Variants in XXYLT1 observed in about 807,000 individuals in gnomAD.
XXYLT1 encodes the protein xyloside xylosyltransferase 1.
Under a neutral mutation model 28.9 loss-of-function variants are expected in XXYLT1, and 20 were observed. The ratio of observed to expected loss-of-function variants is 0.69; its 90% CI spans 0.49 to 1.00. The LOEUF (loss-of-function observed/expected upper bound fraction) is 1.00. Ranked by LOEUF, XXYLT1 falls within the 50% of genes least tolerant of loss-of-function variation. XXYLT1 has a pLI of 0.00. For synonymous variants in XXYLT1, 257 were observed against 253.8 expected (o/e 1.01, Z -0.12); for missense variants, 542 against 560.1 (o/e 0.97, Z 0.33).
At chr3:195,196,870 TAA>T (rs56806324) in intron 2 of XXYLT1, among the ~76,000 whole-genome samples, 7,763 of 146,350 alleles carry the variant, frequency 0.053, 605 homozygotes, top group African/African-American at 0.18. Flanking sequence ...TCACTTCCTT[TAA>T]AAAAAAAAAA....
At chr3:195,224,297 G>A (rs1041582521) in intron 2 of XXYLT1, among the ~76,000 whole-genome samples, 1 of 152,174 alleles carries the variant, frequency 6.6e-6, no homozygotes, top group Non-Finnish European at 1.5e-5. Flanking sequence ...CAGAGGGTGG[G>A]GCCCACACCT....
intron 1 of XXYLT1, among the ~76,000 whole-genome samples, chr3:195,248,876 C>T (rs752922082): frequency 9.2e-5 from 14 of 152,234 alleles, no homozygotes; most frequent in African/African-American, 1.9e-4. Flanking sequence ...GCCAAGATTG[C>T]GCCACTGTAC....
At chr3:195,260,353 C>G (rs547831783) in intron 1 of XXYLT1, among the ~76,000 whole-genome samples, 1 of 152,236 alleles carries the variant, frequency 6.6e-6, no homozygotes, top group South Asian at 2.1e-4. Context: ...CCCGTGCTGA[C>G]CGCAGCCGCG....
intron 3 of XXYLT1, among the ~76,000 whole-genome samples, chr3:195,127,751 TG>T (rs1156631255): frequency 1.1e-4 from 16 of 146,750 alleles, no homozygotes; most frequent in Non-Finnish European, 1.9e-4. Flanking sequence ...CTCTCCACCT[TG>T]GGTGACAGAG....
intron 1 of XXYLT1, among the ~76,000 whole-genome samples, chr3:195,228,193 C>T (rs571452250): frequency 5.1e-4 from 78 of 152,298 alleles, no homozygotes; most frequent in African/African-American, 1.8e-3. Flanking sequence ...TCATCAACTC[C>T]GAAGAGCCCA....
At chr3:195,239,942 T>C (rs1398904965) in intron 1 of XXYLT1, among the ~76,000 whole-genome samples, 5 of 152,194 alleles carry the variant, frequency 3.3e-5, no homozygotes, top group African/African-American at 4.8e-5. Flanking sequence ...CACCGGCCTA[T>C]AATCATATAT....
intron 3 of XXYLT1, among the ~76,000 whole-genome samples, chr3:195,108,258 T>C (rs1056282966): frequency 3.3e-5 from 5 of 152,234 alleles, no homozygotes; most frequent in Admixed American, 2.0e-4. Context: ...GGCATAAACA[T>C]TAATTAGAAA....
intron 2 of XXYLT1, among the ~76,000 whole-genome samples, chr3:195,179,202 T>C (rs149630689): frequency 0.018 from 2,739 of 152,094 alleles, 36 homozygotes; most frequent in Non-Finnish European, 0.027. Context: ...TAGCTGGGCA[T>C]GGTGGCACGT....
At chr3:195,172,359 G>C (rs1346196304) in intron 2 of XXYLT1, among the ~76,000 whole-genome samples, 2 of 152,138 alleles carry the variant, frequency 1.3e-5, no homozygotes, top group African/African-American at 4.8e-5. Flanking sequence ...TTACCAGCTG[G>C]GCACTGCTGA....
At chr3:195,241,335 T>C (rs540207647) in intron 1 of XXYLT1, among the ~76,000 whole-genome samples, 1 of 152,334 alleles carries the variant, frequency 6.6e-6, no homozygotes, top group Admixed American at 6.5e-5. Flanking sequence ...ACAGCTATTC[T>C]GTGTCCTGAT....
chr3:195,176,095 C>T lies in XXYLT1; in HGVS notation c.653-19514G>A, dbSNP rs1027138720. Among the ~76,000 whole-genome samples, 14 of 151,984 alleles carry T rather than the reference C, an allele frequency of 9.2e-5. No individual in the cohort carries two copies. Among genetic ancestry groups the T allele is most frequent in the South Asian group, 4.1e-4 (2 of 4,826 alleles). ...TTTTTGAGACAGGGTCTCACTCTAT[C>T]GCCCAAGCTGGAGTGCAATGGCATG... is the stretch of plus-strand genomic sequence containing the variant. On this transcript the variant is annotated intron_variant, in intron 2 of 3. Coordinates refer to ENST00000310380, the MANE Select transcript of XXYLT1 (RefSeq NM_152531.5). This position sits in a 1 kb window ranked among gnomAD's most constrained non-coding sequence, Gnocchi z 4.9.
chr3:195,264,293 G>A (rs1725775822), intron 1 of XXYLT1, among the ~76,000 whole-genome samples: 1 of 152,230 alleles, frequency 6.6e-6, no homozygotes, highest in Non-Finnish European at 1.5e-5. Context: ...CCTTCCAGGA[G>A]GGAGACAGAG....
At chr3:195,191,522 A>T (rs1722417753) in intron 2 of XXYLT1, among the ~76,000 whole-genome samples, 1 of 152,258 alleles carries the variant, frequency 6.6e-6, no homozygotes, top group South Asian at 2.1e-4. Flanking sequence ...AGTCAAAAGT[A>T]GGTTATTAGT....
rs1447843414 is a variant in XXYLT1, at chr3:195,115,672, C to T, written c.785+40777G>A. Among the ~76,000 whole-genome samples, 2 of 152,218 alleles carry T rather than the reference C, an allele frequency of 1.3e-5. No individual in the cohort carries two copies. The highest frequency in any genetic ancestry group is 6.5e-5 in the Admixed American group (1 of 15,286). ...TTCATCTGGTGCGGAGCAGTAACCC[C>T]CTCGTCTGGCTCCGGCAGCACACCG... On this transcript the variant is annotated intron_variant, in intron 3 of 3. Transcript: ENST00000310380. This position sits in a 1 kb window ranked among gnomAD's most constrained non-coding sequence, Gnocchi z 4.2.
At chr3:195,166,220 C>T (rs1437996658) in intron 2 of XXYLT1, among the ~76,000 whole-genome samples, 1 of 151,876 alleles carries the variant, frequency 6.6e-6, no homozygotes, top group Non-Finnish European at 1.5e-5. Context: ...TACCAAACTG[C>T]ACTTCAGCAC....
At chr3:195,237,031 C>T (rs1209251578) in intron 1 of XXYLT1, among the ~76,000 whole-genome samples, 1 of 152,124 alleles carries the variant, frequency 6.6e-6, no homozygotes, top group African/African-American at 2.4e-5. Flanking sequence ...TCTTTTGGAG[C>T]TGTGAGCTGC....
intron 2 of XXYLT1, among the ~76,000 whole-genome samples, chr3:195,193,609 GA>G (rs1722510416): frequency 6.6e-6 from 1 of 152,072 alleles, no homozygotes; most frequent in Non-Finnish European, 1.5e-5. Flanking sequence ...AACAAAGTTG[GA>G]AAATTCACAC....
At chr3:195,109,289 C>G (rs1717321304) in intron 3 of XXYLT1, among the ~76,000 whole-genome samples, 1 of 152,186 alleles carries the variant, frequency 6.6e-6, no homozygotes, top group Non-Finnish European at 1.5e-5. Flanking sequence ...TTGAGGCACA[C>G]TCTCGAGAAG....
At chr3:195,214,701 T>C (rs1723483674) in intron 2 of XXYLT1, 1 of 152,088 alleles carries the variant, frequency 6.6e-6, no homozygotes, top group Non-Finnish European at 1.5e-5. Flanking sequence ...TACCCCAGGT[T>C]CCAGAACGCA....
Sources: gnomAD v4.1 joint callset for allele counts (sites outside exome capture counted in the v4.1 genomes callset) on GRCh38, gnomAD v4.1.1 for gene constraint, Gnocchi (gnomAD v3.1) non-coding constraint, MANE v1.5 for transcripts, NCBI Gene and HGNC (gene_info 2026-07-23, HGNC 2026-07-21) for gene names.